Variants in DOCK10 observed in about 807,000 individuals in gnomAD.
DOCK10 encodes dedicator of cytokinesis 10, also known as dedicator of cytokinesis protein 10.
In DOCK10, 145 loss-of-function variants were observed where a neutral mutation model predicts 280.1. The observed-to-expected ratio is 0.52, with a 90% CI of 0.45 to 0.59. The LOEUF is 0.59. DOCK10 is among the 20% of genes least tolerant of loss of function. The pLI is 0.00. For missense variants in DOCK10, 2,368 were observed against 2,651.7 expected (o/e 0.89, Z 2.35); for synonymous variants, 915 against 942.2 (o/e 0.97, Z 0.53).
chr2:224,911,554 A>G (rs1701012220), intron 3 of DOCK10, among the ~76,000 whole-genome samples: 1 of 152,222 alleles, frequency 6.6e-6, no homozygotes, highest in Non-Finnish European at 1.5e-5. Context: ...GAATGGTCCC[A>G]GAATTTAGAG....
At chr2:224,982,046 T>C (rs1391631175) in intron 1 of DOCK10, among the ~76,000 whole-genome samples, 1 of 152,216 alleles carries the variant, frequency 6.6e-6, no homozygotes, top group Admixed American at 6.5e-5. Flanking sequence ...CTTTGAATGA[T>C]AGAAATAGTT....
intron 14 of DOCK10, among the ~76,000 whole-genome samples, chr2:224,859,700 C>A (rs1489518268): frequency 2.3e-4 from 35 of 149,990 alleles, no homozygotes. Context: ...GCCAACATGT[C>A]TTAGGGCACA....
intron 50 of DOCK10, among the ~76,000 whole-genome samples, chr2:224,785,532 G>A (rs1281861643): frequency 6.6e-6 from 1 of 152,090 alleles, no homozygotes; most frequent in Admixed American, 6.5e-5. Context: ...CCAGTCTAGA[G>A]TGCAGTGGCG....
chr2:224,783,615 TA>T lies in DOCK10; in HGVS notation c.5655+3406del, dbSNP rs879889243. Among the ~76,000 whole-genome samples the T allele has an allele frequency of 2.4e-3, 359 of 148,344 alleles. 1 individual carries two copies. Among genetic ancestry groups the T allele is most frequent in the Middle Eastern group, 0.017 (5 of 290 alleles). ...AAGACAAGTGAGAGTACTGCAGCAT[TA>T]AAAAAAAAATCAGGTGTAAAATCAG... On this transcript the variant is annotated intron_variant, in intron 50 of 55. Coordinates refer to ENST00000258390, the MANE Select transcript of DOCK10 (RefSeq NM_014689.3).
chr2:224,844,951 T>C (rs1389905658), intron 21 of DOCK10, 112 bp from the exon 22 acceptor site: 3 of 861,762 alleles, frequency 3.5e-6, no homozygotes, highest in African/African-American at 1.7e-5. Context: ...TTATATCAGC[T>C]ACAGGTGGAA....
At chr2:224,981,722 G>A (rs1045041691) in intron 1 of DOCK10, among the ~76,000 whole-genome samples, 1 of 152,150 alleles carries the variant, frequency 6.6e-6, no homozygotes, top group Admixed American at 6.6e-5. Flanking sequence ...CCTAAGTTAG[G>A]CATTCTGGAA....
intron 1 of DOCK10, chr2:224,946,725 T>TG: frequency 1.6e-6 from 1 of 623,756 alleles, no homozygotes; most frequent in Non-Finnish European, 2.6e-6. Context: ...AATGGAATCT[T>TG]CTGTTCCATA....
At chr2:224,835,923 C>A (rs1695563923) in intron 25 of DOCK10, among the ~76,000 whole-genome samples, 1 of 150,004 alleles carries the variant, frequency 6.7e-6, no homozygotes, top group African/African-American at 2.4e-5. Context: ...ATTTCAGATA[C>A]CCTGGTTAAA....
At chr2:225,020,255 G>A (rs1478824985) in intron 1 of DOCK10, among the ~76,000 whole-genome samples, 1 of 151,998 alleles carries the variant, frequency 6.6e-6, no homozygotes, top group Non-Finnish European at 1.5e-5. Context: ...TATTATAACT[G>A]TATGTCCTTG....
intron 51 of DOCK10, 138 bp downstream of exon 51, chr2:224,778,000 G>A: frequency 1.2e-6 from 1 of 844,056 alleles, no homozygotes; most frequent in Non-Finnish European, 1.8e-6. Flanking sequence ...CCAACCAACA[G>A]GCAAACAAGC....
chr2:224,945,892 A>T (rs889871108), intron 1 of DOCK10, among the ~76,000 whole-genome samples: 51 of 152,116 alleles, frequency 3.4e-4, no homozygotes, highest in Non-Finnish European at 6.6e-4. Context: ...AGAAGCCAGG[A>T]ATTTGCTAAC....
chr2:224,890,992 G>A (rs964300100), intron 4 of DOCK10, among the ~76,000 whole-genome samples: 3 of 152,210 alleles, frequency 2.0e-5, no homozygotes, highest in Non-Finnish European at 4.4e-5. Context: ...AGAGTCTAGA[G>A]AGGCAGTGTG....
At chr2:224,785,864 A>G (rs1691698812) in intron 50 of DOCK10, among the ~76,000 whole-genome samples, 2 of 152,232 alleles carry the variant, frequency 1.3e-5, no homozygotes, top group South Asian at 4.1e-4. Flanking sequence ...ACCTAGAATG[A>G]ACATGCTGGA....
At chr2:224,838,108 A>C (rs16866215) in intron 24 of DOCK10, among the ~76,000 whole-genome samples, 16,733 of 152,136 alleles carry the variant, frequency 0.11, 1,081 homozygotes, top group Middle Eastern at 0.19. Context: ...CACAATGGAG[A>C]CTTTTTGTCC....
Position 224,989,120 on chromosome 2 carries a change from G to A in DOCK10, c.123+53132C>T, listed in dbSNP as rs534033887. On this transcript the variant is annotated intron_variant, in intron 1 of 55. Transcript: ENST00000258390. ...CATTGGAGGCTGATCCTGGAGAGTTGGCTGACAGCTCAAACATGTCGCTGC... is the reference window on the plus strand; with the variant it reads ...CATTGGAGGCTGATCCTGGAGAGTTAGCTGACAGCTCAAACATGTCGCTGC... 1.6e-4 allele frequency among the ~76,000 whole-genome samples: 24 copies of A among 152,322 alleles called. No individual in the cohort carries two copies. In the South Asian group the frequency reaches 3.1e-3, roughly 20 times the overall value.
At chr2:224,902,528 A>T (rs1156311032) in intron 3 of DOCK10, among the ~76,000 whole-genome samples, 2 of 152,220 alleles carry the variant, frequency 1.3e-5, no homozygotes, top group Non-Finnish European at 2.9e-5. Flanking sequence ...TAGGCAAATT[A>T]TGCATTGAAA....
rs546298208 is a variant in DOCK10, at chr2:224,852,008, G to A, written c.2142+369C>T. Among the ~76,000 whole-genome samples, 126 of 141,700 alleles carry A rather than the reference G, an allele frequency of 8.9e-4. 1 individual carries two copies. Among genetic ancestry groups the A allele is most frequent in the Non-Finnish European group, 1.0e-3 (70 of 67,024 alleles). The allele number at this position is 141,700 out of a possible 152,430, so 93.0% of individuals were successfully genotyped here. A position where few individuals can be genotyped will look rare whatever the true frequency, so the allele number is the denominator to read the frequency against. On this transcript the variant is annotated intron_variant, in intron 18 of 55. Coordinates refer to ENST00000258390, the MANE Select transcript of DOCK10 (RefSeq NM_014689.3). ...CACATTAGCTATTGGGCCAGTATGC[G>A]GCAGTTCTGCGTAGACCATACGAGG...
intron 3 of DOCK10, 130 bp downstream of exon 3, chr2:224,916,565 C>G: frequency 2.8e-6 from 1 of 355,346 alleles, no homozygotes; most frequent in Non-Finnish European, 5.1e-6. Context: ...AAAAAAAAGA[C>G]ATCCACTAGT....
At chr2:224,868,659 T>A (rs898606496) in intron 11 of DOCK10, among the ~76,000 whole-genome samples, 2 of 152,210 alleles carry the variant, frequency 1.3e-5, no homozygotes, top group African/African-American at 2.4e-5. Flanking sequence ...ATATTAGCAA[T>A]ACTTGCCAGC....
Sources: gnomAD v4.1 joint callset for allele counts (sites outside exome capture counted in the v4.1 genomes callset) on GRCh38, gnomAD v4.1.1 for gene constraint, MANE v1.5 for transcripts, NCBI Gene and HGNC (gene_info 2026-07-23, HGNC 2026-07-21) for gene names.